PDE1B: variants seen among roughly 807,000 people sequenced by gnomAD.
PDE1B encodes phosphodiesterase 1B, also known as dual specificity calcium/calmodulin-dependent 3',5'-cyclic nucleotide phosphodiesterase 1B.
In PDE1B, 13 loss-of-function variants were observed where a neutral mutation model predicts 66.7. That is an observed-to-expected ratio of 0.19 (90% CI 0.13 to 0.31). The LOEUF is 0.31. Among genes scored for constraint, PDE1B ranks in the 10% least tolerant of loss-of-function variants. The pLI is 1.00. For missense variants in PDE1B, 485 were observed against 682.3 expected (o/e 0.71, Z 3.22); for synonymous variants, 230 against 253.9 (o/e 0.91, Z 0.90).
chr12:54,577,158 T>C, intron 14 of PDE1B, 67 bp from the exon 15 acceptor site: 1 of 1,321,718 alleles, frequency 7.6e-7, no homozygotes, highest in Admixed American at 1.8e-5. Flanking sequence ...TGTCTCCACA[T>C]ACTCCTTGGG....
At chr12:54,565,562 C>T (rs1957499020) in intron 2 of PDE1B, among the ~76,000 whole-genome samples, 1 of 152,240 alleles carries the variant, frequency 6.6e-6, no homozygotes. Flanking sequence ...ACTTGTTAAA[C>T]AACCTGCTGT....
intron 2 of PDE1B, among the ~76,000 whole-genome samples, chr12:54,550,608 G>T (rs1957263207): frequency 6.0e-5 from 3 of 49,878 alleles, no homozygotes; most frequent in Middle Eastern, 0.032. Flanking sequence ...CGTGGAATCT[G>T]GAGGGGGGGT....
chr12:54,553,908 T>A (rs1170160914), intron 2 of PDE1B, among the ~76,000 whole-genome samples: 3 of 152,190 alleles, frequency 2.0e-5, no homozygotes, highest in Non-Finnish European at 2.9e-5. Flanking sequence ...TACATGTGTT[T>A]GGGTAAAGGT....
chr12:54,565,484 T>C (rs1377673702), intron 2 of PDE1B, among the ~76,000 whole-genome samples: 4 of 152,174 alleles, frequency 2.6e-5, no homozygotes, highest in Non-Finnish European at 5.9e-5. Flanking sequence ...TTATGATATA[T>C]CTCGCCTCTA....
In PDE1B at chr12:54,573,907, G is replaced by C. The variant is rs995200947; in HGVS notation, c.1064+198G>C. The C allele has an allele frequency of 1.8e-6, 1 of 548,126 alleles. No individual in the cohort carries two copies. The allele number at this position is 548,126 out of a possible 1,614,324, so 34.0% of individuals were successfully genotyped here. A position where few individuals can be genotyped will look rare whatever the true frequency, so the allele number is the denominator to read the frequency against. On this transcript the variant is annotated intron_variant, in intron 10 of 15. Transcript: ENST00000243052. The surrounding 1 kb of genome is among the most constrained non-coding windows in gnomAD (Gnocchi z 5.2). ...TGTGTGTGTGTGTGTGTGTGTGTGT[G>C]TGTGTCCTTACGTTTACTCACAGCC...
In PDE1B at chr12:54,573,310, G is replaced by A. The variant is rs1957652023; in HGVS notation, c.837-45G>A. 1.9e-6 allele frequency: 3 copies of A among 1,613,914 alleles called. No individual in the cohort carries two copies. Among genetic ancestry groups the A allele is most frequent in the African/African-American group, 2.7e-5 (2 of 75,040 alleles). On this transcript the variant is annotated intron_variant, in intron 8 of 15. Transcript: ENST00000243052. The surrounding 1 kb of genome is among the most constrained non-coding windows in gnomAD (Gnocchi z 5.2). ...AAGAGGAGGTGGGGAGGTTGCCGGAGTCCCTCCTTACAGGGGGTGGTCATG... is the reference window on the plus strand; with the variant it reads ...AAGAGGAGGTGGGGAGGTTGCCGGAATCCCTCCTTACAGGGGGTGGTCATG...
chr12:54,565,759 G>A (rs925830489), intron 2 of PDE1B, among the ~76,000 whole-genome samples: 1 of 152,142 alleles, frequency 6.6e-6, no homozygotes, highest in Non-Finnish European at 1.5e-5. Flanking sequence ...CCTGGGGCTG[G>A]CTATTTTGGG....
rs754319137 is a variant in PDE1B at position 54,573,634 on chromosome 12, T to C, written c.989T>C (p.Met330Thr). 6.2e-7 allele frequency: 1 copy of C among 1,614,110 alleles called. No individual in the cohort carries two copies. Among genetic ancestry groups the C allele is most frequent in the South Asian group, 1.1e-5 (1 of 91,076 alleles). ...GAACTCCGAGCCCTGGTCATTGAGA[T>C]GGTGTTGGCCACAGACATGTCCTGC... Reference protein sequence around the residue: ...FVELRALVIEMVLATDMSCHF... With the variant: ...FVELRALVIETVLATDMSCHF... The change falls in exon 10 of 16, where the codon ATG becomes ACG. Residue 330 changes from methionine (M) to threonine (T), a missense_variant. Physicochemically the swap from Met to Thr is moderately conservative, Grantham distance 81 (BLOSUM62 -1). Around this residue, in one of 4 missense-constraint regions of PDE1B, gnomAD observed 282 missense variants for 453.4 expected, o/e 0.62. Coordinates refer to ENST00000243052, the MANE Select transcript of PDE1B (RefSeq NM_000924.4). This position sits in a 1 kb window ranked among gnomAD's most constrained non-coding sequence, Gnocchi z 5.2.
rs1310253593 is a variant in PDE1B, at chr12:54,572,591, C to T, written c.595-10C>T. The T allele has an allele frequency of 1.2e-6, 2 of 1,612,518 alleles. No homozygotes were observed. The highest frequency in any genetic ancestry group is 2.7e-5 in the African/African-American group (2 of 74,898). On this transcript the variant is annotated splice_polypyrimidine_tract_variant and intron_variant, in intron 6 of 15. Coordinates refer to ENST00000243052, the MANE Select transcript of PDE1B (RefSeq NM_000924.4). Reference sequence around the variant, plus strand: ...CTTGATATATCTCCATTTCCCCTAACTCCCCGCAGATTCCCACTGTGTTTT... The same window carrying T: ...CTTGATATATCTCCATTTCCCCTAATTCCCCGCAGATTCCCACTGTGTTTT...
At chr12:54,559,432 A>T (rs1028230100) in intron 2 of PDE1B, among the ~76,000 whole-genome samples, 1 of 151,964 alleles carries the variant, frequency 6.6e-6, no homozygotes, top group Non-Finnish European at 1.5e-5. Context: ...AGGTCATCAC[A>T]TTTATGTCCT....
chr12:54,557,052 C>A (rs1479355936), intron 2 of PDE1B, among the ~76,000 whole-genome samples: 2 of 152,142 alleles, frequency 1.3e-5, no homozygotes, highest in Non-Finnish European at 2.9e-5. Context: ...TCTCTGTGCC[C>A]ACCTTGTTTG....
intron 10 of PDE1B, 137 bp from the exon 11 acceptor site, chr12:54,574,961 T>G (rs781589279): frequency 4.1e-4 from 273 of 664,676 alleles, no homozygotes; most frequent in Non-Finnish European, 6.2e-4. Flanking sequence ...GGCAACAGAG[T>G]GAGACCCTGT....
intron 14 of PDE1B, 169 bp from the exon 15 acceptor site, chr12:54,577,056 G>T: frequency 1.5e-6 from 1 of 666,172 alleles, no homozygotes; most frequent in Non-Finnish European, 2.6e-6. Flanking sequence ...AGGGTTCTGA[G>T]TTTTAGCAAG....
At chr12:54,576,219 T>C in intron 13 of PDE1B, 119 bp downstream of exon 13, 1 of 706,980 alleles carries the variant, frequency 1.4e-6, no homozygotes, top group Non-Finnish European at 2.6e-6. Context: ...GGCAGACTGC[T>C]TCAAGCTTGG....
intron 6 of PDE1B, chr12:54,572,281 A>G (rs932004088): frequency 8.8e-5 from 20 of 228,250 alleles, no homozygotes; most frequent in African/African-American, 4.5e-4. Context: ...TGAAATCTCC[A>G]GGGAAATAAT....
chr12:54,552,960 G>C (rs1225939332), intron 2 of PDE1B, among the ~76,000 whole-genome samples: 1 of 152,274 alleles, frequency 6.6e-6, no homozygotes, highest in Non-Finnish European at 1.5e-5. Flanking sequence ...ACGATGAGCA[G>C]ACATTGGTTT....
intron 3 of PDE1B, among the ~76,000 whole-genome samples, chr12:54,567,700 A>C (rs1957540585): frequency 6.6e-6 from 1 of 152,014 alleles, no homozygotes; most frequent in Non-Finnish European, 1.5e-5. Context: ...CCACTGTGGA[A>C]TACCTCTAGA....
intron 6 of PDE1B, chr12:54,572,313 G>T: frequency 2.8e-6 from 1 of 361,382 alleles, no homozygotes; most frequent in Non-Finnish European, 5.1e-6. Context: ...CTATTCTTTA[G>T]AGAGCATTTA....
chr12:54,552,079 A>G (rs1592362002), intron 2 of PDE1B, among the ~76,000 whole-genome samples: 1 of 152,354 alleles, frequency 6.6e-6, no homozygotes, highest in Non-Finnish European at 1.5e-5. Context: ...CTTAAAGCAG[A>G]GAAAGACCTT....
Sources: allele counts gnomAD v4.1 joint callset (sites outside exome capture counted in the v4.1 genomes callset), GRCh38; gene constraint gnomAD v4.1.1; regional missense constraint gnomAD v4.1.1; non-coding constraint Gnocchi (gnomAD v3.1); transcripts MANE v1.5; gene names NCBI Gene and HGNC (gene_info 2026-07-23, HGNC 2026-07-21).